Variants in ASH1L observed in about 807,000 individuals in gnomAD.
The protein encoded by ASH1L is histone-lysine N-methyltransferase ASH1L.
Under a neutral mutation model 269.0 loss-of-function variants are expected in ASH1L, and 23 were observed. The observed-to-expected ratio is 0.09, with a 90% confidence interval of 0.06 to 0.12. The LOEUF (loss-of-function observed/expected upper bound fraction) is 0.12, where lower values mean the gene tolerates loss of function less well. Among genes scored for constraint, ASH1L ranks in the 10% least tolerant of loss-of-function variants. ASH1L has a pLI of 1.00. For missense variants in ASH1L, 2,912 were observed against 3,567.8 expected, an observed-to-expected ratio of 0.82 and a Z score of 4.68; for synonymous variants, 1,187 against 1,253.5, an observed-to-expected ratio of 0.95 and a Z score of 1.12.
At chr1:155,438,134 C>T (rs1388090922) in intron 5 of ASH1L, among the ~76,000 whole-genome samples, 193 bp downstream of exon 5, 2 of 152,122 alleles carry the variant, frequency 1.3e-5, no homozygotes, top group Non-Finnish European at 2.9e-5. Context: ...AGGTGTGAGC[C>T]ACTGCACCTA....
intron 15 of ASH1L, 148 bp from the exon 16 acceptor site, chr1:155,354,778 G>T: frequency 1.5e-6 from 1 of 685,868 alleles, no homozygotes; most frequent in Non-Finnish European, 2.3e-6. Context: ...ACTCAATTTT[G>T]TATCTTCAAT....
rs528978690 is a variant in ASH1L, at chr1:155,347,903, T to C, written c.7556A>G (p.Lys2519Arg). ...AACTGGGGATTTACGCCCATAGTAC[T>C]TCTGAAGAAAGCAAATAAAGAAATC... ...DMLKVFRNAEKYYGRKSPVGR... is the reference protein window; with the variant it reads ...DMLKVFRNAERYYGRKSPVGR... The change falls in exon 20 of 28, where the codon AAG becomes AGG. Residue 2519 changes from lysine (K) to arginine (R), a missense_variant and splice_region_variant. Lys to Arg is a conservative substitution (Grantham distance 26). This residue lies in a region of ASH1L where 309 missense variants were observed against 435.1 expected (regional missense o/e 0.71). Coordinates refer to ENST00000392403, the MANE Select transcript of ASH1L (RefSeq NM_018489.3). 1 of 1,613,342 alleles carries C rather than the reference T, an allele frequency of 6.2e-7. No homozygotes were observed. Among genetic ancestry groups the C allele is most frequent in the East Asian group, 2.2e-5 (1 of 44,868 alleles).
chr1:155,390,641 C>T (rs924100901), intron 7 of ASH1L, among the ~76,000 whole-genome samples: 1 of 137,952 alleles, frequency 7.2e-6, no homozygotes, highest in African/African-American at 2.6e-5. Context: ...CTCCCCCCCC[C>T]CCCTTTTTTC....
rs1665900086 is a variant in ASH1L, at chr1:155,480,836, A to T, written c.2034T>A (p.Asn678Lys). The T allele has an allele frequency of 6.2e-7, 1 of 1,613,982 alleles. No individual in the cohort carries two copies. Among genetic ancestry groups the T allele is most frequent in the Non-Finnish European group, 8.5e-7 (1 of 1,179,946 alleles). The change falls in exon 3 of 28, where the codon AAT becomes AAA. Residue 678 changes from asparagine to lysine, a missense_variant. Asn to Lys is a moderately conservative substitution (Grantham distance 94). Transcript: ENST00000392403. The part of the protein sequence containing the change: ...SVVNFTSLFS[N>K]KPFLKLGAVS... ...CTGCACCCAGTTTTAAAAAAGGCTT[A>T]TTACTAAATAAACTAGTGAAGTTAA...
chr1:155,502,880 C>T (rs1192266074), intron 2 of ASH1L, among the ~76,000 whole-genome samples: 3 of 152,138 alleles, frequency 2.0e-5, no homozygotes, highest in African/African-American at 4.8e-5. Context: ...GAGGTTGAGA[C>T]AAATAGAATT....
chr1:155,553,025 A>G (rs911241130), intron 1 of ASH1L, among the ~76,000 whole-genome samples: 1 of 152,206 alleles, frequency 6.6e-6, no homozygotes, highest in African/African-American at 2.4e-5. Context: ...ACAGTCAAGG[A>G]AACCAAAGAT....
chr1:155,408,184 C>G (rs1265451665), intron 6 of ASH1L, among the ~76,000 whole-genome samples: 1 of 152,128 alleles, frequency 6.6e-6, no homozygotes, highest in East Asian at 1.9e-4. Flanking sequence ...CGGATGGTAC[C>G]TTGATTCTGG....
At chr1:155,510,586 T>C (rs988620131) in intron 2 of ASH1L, among the ~76,000 whole-genome samples, 6 of 152,066 alleles carry the variant, frequency 3.9e-5, no homozygotes, top group African/African-American at 1.4e-4. Flanking sequence ...AAAGAACATG[T>C]ATGTAGGGGA....
Position 155,480,380 on chromosome 1 carries a change from C to T in ASH1L, c.2490G>A (p.Arg830=), listed in dbSNP as rs1665865089. 3 of 1,613,962 alleles carry T rather than the reference C, an allele frequency of 1.9e-6. No individual in the cohort carries two copies. The highest frequency in any genetic ancestry group is 2.5e-6 in the Non-Finnish European group (3 of 1,179,900). The change falls in exon 3 of 28, where the codon AGG becomes AGA. Residue 830 remains arginine, a synonymous_variant. Transcript: ENST00000392403. ...LSDIYKPKRG[R]PKSKEMPQLE... ...GTTGAGGCATCTCCTTAGATTTAGG[C>T]CTTCCTCTTTTGGGCTTATAAATAT...
At chr1:155,421,505 T>C (rs1301518165) in intron 5 of ASH1L, among the ~76,000 whole-genome samples, 9 of 151,500 alleles carry the variant, frequency 5.9e-5, no homozygotes, top group African/African-American at 2.2e-4. Flanking sequence ...ACCCCGTCTC[T>C]TCTAAAAATA....
chr1:155,434,600 C>A (rs1661927011), intron 5 of ASH1L, among the ~76,000 whole-genome samples: 3 of 151,884 alleles, frequency 2.0e-5, no homozygotes, highest in Admixed American at 2.0e-4. Context: ...CACCTGTAAT[C>A]CCAGCACTTC....
chr1:155,549,512 C>A (rs1038990162), intron 1 of ASH1L, among the ~76,000 whole-genome samples: 15 of 151,526 alleles, frequency 9.9e-5, no homozygotes, highest in Non-Finnish European at 2.2e-4. Flanking sequence ...GTAATCCCTG[C>A]TACTTGGGAG....
At chr1:155,434,294 G>C in intron 5 of ASH1L, 1 of 1,579,830 alleles carries the variant, frequency 6.3e-7, no homozygotes. Flanking sequence ...GGGGGACAGG[G>C]GGAGGGGAGG....
chr1:155,477,778 A>G, intron 3 of ASH1L, 108 bp downstream of exon 3: 1 of 1,097,592 alleles, frequency 9.1e-7, no homozygotes, highest in Non-Finnish European at 1.2e-6. Flanking sequence ...CACTTATTAA[A>G]AAACAAAAAA....
chr1:155,542,340 G>A (rs996395167), intron 1 of ASH1L, among the ~76,000 whole-genome samples: 5 of 152,088 alleles, frequency 3.3e-5, no homozygotes, highest in Admixed American at 1.3e-4. Context: ...ACGAGGTCAG[G>A]AGATCGAGAC....
At chr1:155,526,975 C>T (rs1159614315) in intron 1 of ASH1L, among the ~76,000 whole-genome samples, 1 of 152,170 alleles carries the variant, frequency 6.6e-6, no homozygotes, top group African/African-American at 2.4e-5. Flanking sequence ...GAGGCCAAGG[C>T]GGGCAGACCT....
Position 155,478,043 on chromosome 1 carries a change from A to G in ASH1L, c.4827T>C (p.Ser1609=). 6.2e-7 allele frequency: 1 copy of G among 1,614,176 alleles called. No homozygotes were observed. Among genetic ancestry groups the G allele is most frequent in the Non-Finnish European group, 8.5e-7 (1 of 1,180,024 alleles). ...TTGAAACTCTGCAGCTGCCTATTGC[A>G]CTTGTGAAAAGGTTTGTATGTTCAT... is the stretch of plus-strand genomic sequence containing the variant. ...SSDEHTNLFT[S]AIGSCRVSNP... is the part of the protein sequence containing the mutation. The change falls in exon 3 of 28, where the codon AGT becomes AGC. Residue 1609 remains serine (S), a synonymous_variant. Transcript: ENST00000392403. This position sits in a 1 kb window ranked among gnomAD's most constrained non-coding sequence, Gnocchi z 4.6.
chr1:155,375,882 T>A (rs1656394505), intron 10 of ASH1L, among the ~76,000 whole-genome samples: 3 of 151,896 alleles, frequency 2.0e-5, no homozygotes, highest in Admixed American at 2.0e-4. Context: ...TAGTGAGATT[T>A]AAGGGTTCAG....
chr1:155,427,478 C>CT (rs1392889613), intron 5 of ASH1L, among the ~76,000 whole-genome samples: 1 of 151,786 alleles, frequency 6.6e-6, no homozygotes, highest in Non-Finnish European at 1.5e-5. Context: ...AATTTTTGTA[C>CT]TTTTTAGTAG....
Sources: gnomAD v4.1 joint callset for allele counts (sites outside exome capture counted in the v4.1 genomes callset) on GRCh38, gnomAD v4.1.1 for gene constraint, gnomAD v4.1.1 regional missense constraint, Gnocchi (gnomAD v3.1) non-coding constraint, MANE v1.5 for transcripts, NCBI Gene and HGNC (gene_info 2026-07-23, HGNC 2026-07-21) for gene names.